Variants in CNTN4 observed in about 807,000 individuals in gnomAD.
CNTN4 encodes the protein contactin 4.
CNTN4 carries 77 observed loss-of-function variants against 122.5 expected under a neutral mutation model. The observed-to-expected ratio is 0.63, with a 90% confidence interval of 0.52 to 0.76. The LOEUF (loss-of-function observed/expected upper bound fraction) is 0.76, where lower values mean the gene tolerates loss of function less well. Ranked by LOEUF, CNTN4 falls within the 30% of genes least tolerant of loss-of-function variation. The pLI is 0.00. For missense variants in CNTN4, 1,256 were observed against 1,259.1 expected (o/e 1.00, Z 0.04); for synonymous variants, 512 against 447.0 (o/e 1.15, Z -1.83).
At chr3:2,307,432 C>G (rs1047032729) in intron 2 of CNTN4, among the ~76,000 whole-genome samples, 17 of 125,542 alleles carry the variant, frequency 1.4e-4, no homozygotes, top group Non-Finnish European at 2.1e-4. Flanking sequence ...AAGACTCCAT[C>G]TCAAAAAAAA....
chr3:2,621,160 A>G (rs201812588), intron 4 of CNTN4, among the ~76,000 whole-genome samples: 5 of 151,840 alleles, frequency 3.3e-5, no homozygotes, highest in East Asian at 1.9e-4. Flanking sequence ...AACGTTAAGC[A>G]CCCCCTGTTC....
chr3:2,510,809 C>A (rs1484455885), intron 3 of CNTN4, among the ~76,000 whole-genome samples: 1 of 152,128 alleles, frequency 6.6e-6, no homozygotes, highest in Non-Finnish European at 1.5e-5. Flanking sequence ...TTTATAACCC[C>A]TGACTGCATC....
At chr3:2,293,310 G>GAGAT (rs2042197682) in intron 2 of CNTN4, among the ~76,000 whole-genome samples, 1 of 152,224 alleles carries the variant, frequency 6.6e-6, no homozygotes, top group African/African-American at 2.4e-5. Context: ...AAGAGTAAAT[G>GAGAT]AGATAAATTT....
At chr3:2,582,351 C>T (rs1469432464) in intron 4 of CNTN4, among the ~76,000 whole-genome samples, 1 of 152,116 alleles carries the variant, frequency 6.6e-6, no homozygotes, top group African/African-American at 2.4e-5. Flanking sequence ...TCCAAAGTCC[C>T]ACAGATAATG....
chr3:2,175,854 T>C (rs924725284), intron 2 of CNTN4, among the ~76,000 whole-genome samples: 17 of 152,084 alleles, frequency 1.1e-4, no homozygotes, highest in African/African-American at 2.9e-4. Context: ...GGCAATGATA[T>C]TACAGGCAAG....
At chr3:2,594,782 TTGTG>T (rs201993528) in intron 4 of CNTN4, among the ~76,000 whole-genome samples, 3 of 140,530 alleles carry the variant, frequency 2.1e-5, no homozygotes, top group Non-Finnish European at 4.7e-5. Flanking sequence ...GTGTGTTTGT[TTGTG>T]TGTGTGTGTC....
intron 3 of CNTN4, among the ~76,000 whole-genome samples, chr3:2,551,943 A>G (rs974931158): frequency 1.1e-4 from 16 of 152,284 alleles, no homozygotes; most frequent in African/African-American, 3.8e-4. Context: ...ATGGGATAAA[A>G]TGGATATTCA....
intron 2 of CNTN4, among the ~76,000 whole-genome samples, chr3:2,195,094 G>C (rs4685494): frequency 2.0e-5 from 3 of 152,068 alleles, no homozygotes; most frequent in African/African-American, 7.2e-5. Flanking sequence ...GTCTCTGGGA[G>C]CTATCCTACT....
intron 8 of CNTN4, among the ~76,000 whole-genome samples, chr3:2,869,065 A>T (rs1242536614): frequency 6.6e-6 from 1 of 152,212 alleles, no homozygotes; most frequent in Non-Finnish European, 1.5e-5. Context: ...TGGTTGAAGC[A>T]TAGTGAGCAG....
At chr3:2,400,277 T>G (rs1195418027) in intron 3 of CNTN4, among the ~76,000 whole-genome samples, 1 of 150,940 alleles carries the variant, frequency 6.6e-6, no homozygotes, top group Non-Finnish European at 1.5e-5. Context: ...ATTTTGAAAT[T>G]TTCTCCATTT....
chr3:2,809,159 G>A (rs1220695143), intron 6 of CNTN4, among the ~76,000 whole-genome samples: 2 of 152,194 alleles, frequency 1.3e-5, no homozygotes, highest in African/African-American at 2.4e-5. Context: ...TGCAGATGGC[G>A]GCGGTGGTGA....
rs1032820479 is a variant in CNTN4 at position 2,334,406 on chromosome 3, C to G, written c.-144-4772C>G. Among the ~76,000 whole-genome samples the G allele has an allele frequency of 3.3e-5, 5 of 152,042 alleles. No homozygotes were observed. The East Asian group carries it at 7.7e-4, about 24-fold the overall frequency. On this transcript the variant is annotated intron_variant, in intron 2 of 24. Transcript: ENST00000418658. ...ACTTCTTACCTCAAGTGATCTGCCC[C>G]CTTCGGCCTTCCAAATTGCTGGGAT...
chr3:2,820,549 C>A (rs904018244), intron 7 of CNTN4, among the ~76,000 whole-genome samples: 5 of 152,092 alleles, frequency 3.3e-5, no homozygotes, highest in African/African-American at 1.2e-4. Flanking sequence ...AGCCCTTCTC[C>A]CATCCCCAAG....
intron 14 of CNTN4, among the ~76,000 whole-genome samples, chr3:3,013,590 A>G (rs1697447838): frequency 6.6e-6 from 1 of 152,204 alleles, no homozygotes; most frequent in East Asian, 1.9e-4. Flanking sequence ...TCCTGCATGA[A>G]AAGTGCCCTC....
intron 3 of CNTN4, among the ~76,000 whole-genome samples, chr3:2,391,450 GGT>G (rs1263278822): frequency 1.2e-4 from 18 of 152,132 alleles, no homozygotes; most frequent in African/African-American, 4.1e-4. Flanking sequence ...GAAAAGCTTT[GGT>G]ATTATATGAA....
intron 4 of CNTN4, among the ~76,000 whole-genome samples, chr3:2,679,774 C>T (rs1180919320): frequency 2.0e-5 from 3 of 152,154 alleles, no homozygotes; most frequent in Non-Finnish European, 4.4e-5. Flanking sequence ...GAGAAGTCTT[C>T]CACAACTATA....
At chr3:2,226,314 T>G (rs1026766389) in intron 2 of CNTN4, among the ~76,000 whole-genome samples, 1 of 152,200 alleles carries the variant, frequency 6.6e-6, no homozygotes, top group Non-Finnish European at 1.5e-5. Context: ...ATGCTGCTAT[T>G]TGGGCTCCGT....
At position 2,986,653 on chromosome 3, in the gene CNTN4, G is replaced by T. The variant is rs62234364; in HGVS notation, c.1359-1692G>T. Among the ~76,000 whole-genome samples, 461 of 152,326 alleles carry T rather than the reference G, an allele frequency of 3.0e-3. 3 individuals are homozygous for T. The highest frequency in any genetic ancestry group is 0.027 in the Middle Eastern group (8 of 294). On this transcript the variant is annotated intron_variant, in intron 13 of 24. Coordinates refer to ENST00000418658, the MANE Select transcript of CNTN4 (RefSeq NM_175607.3). Reference sequence around the variant, plus strand: ...CAAAAGTTCTATGAAGTGAGGCTCTGCCCATCCTAGACCCCTGTTTCAGAT... The same window carrying T: ...CAAAAGTTCTATGAAGTGAGGCTCTTCCCATCCTAGACCCCTGTTTCAGAT...
intron 2 of CNTN4, among the ~76,000 whole-genome samples, chr3:2,256,366 A>G (rs527620145): frequency 6.6e-6 from 1 of 152,338 alleles, no homozygotes; most frequent in South Asian, 2.1e-4. Context: ...AGAGGTACAA[A>G]GAGGAACTGG....
Sources: gnomAD v4.1 joint callset for allele counts (sites outside exome capture counted in the v4.1 genomes callset) on GRCh38, gnomAD v4.1.1 for gene constraint, MANE v1.5 for transcripts, NCBI Gene and HGNC (gene_info 2026-07-23, HGNC 2026-07-21) for gene names.